MSI2: variants seen among roughly 807,000 people sequenced by gnomAD.
The protein encoded by MSI2 is musashi RNA binding protein 2.
MSI2 carries 17 observed loss-of-function variants against 45.6 expected under a neutral mutation model. The ratio of observed to expected loss-of-function variants is 0.37; its 90% confidence interval spans 0.26 to 0.56. MSI2 has a LOEUF of 0.56. Ranked by LOEUF, MSI2 falls within the 20% of genes least tolerant of loss-of-function variation. The pLI is 0.77. For missense variants in MSI2, 293 were observed against 444.2 expected, an observed-to-expected ratio of 0.66 and a Z score of 3.06; for synonymous variants, 156 against 158.2, an observed-to-expected ratio of 0.99 and a Z score of 0.11.
chr17:57,470,148 G>C (rs555508303), intron 6 of MSI2, among the ~76,000 whole-genome samples: 11 of 152,080 alleles, frequency 7.2e-5, no homozygotes, highest in Non-Finnish European at 1.5e-4. Context: ...ATACCCCTCT[G>C]TATTGTAACC....
intron 5 of MSI2, among the ~76,000 whole-genome samples, chr17:57,262,910 A>C (rs533485172): frequency 2.6e-5 from 4 of 152,360 alleles, no homozygotes; most frequent in Admixed American, 1.3e-4. Context: ...AGTTGCTTGA[A>C]GCCTAAGGTT....
intron 5 of MSI2, among the ~76,000 whole-genome samples, chr17:57,369,719 TG>T (rs1567784655): frequency 6.6e-6 from 1 of 152,224 alleles, no homozygotes; most frequent in Non-Finnish European, 1.5e-5. Flanking sequence ...TCTCATTTAA[TG>T]GTCACGCTGT....
chr17:57,440,402 G>A (rs984739775), intron 6 of MSI2, among the ~76,000 whole-genome samples: 1 of 140,908 alleles, frequency 7.1e-6, no homozygotes, highest in Non-Finnish European at 1.5e-5. Context: ...TCTTACCTGG[G>A]GTTTGTTATC....
chr17:57,664,294 G>A (rs757518990), intron 11 of MSI2, among the ~76,000 whole-genome samples: 3 of 152,186 alleles, frequency 2.0e-5, no homozygotes, highest in Admixed American at 6.5e-5. Flanking sequence ...CGAGGCGGCT[G>A]ATCACTTGAG....
chr17:57,637,218 C>G (rs1020778667), intron 10 of MSI2, among the ~76,000 whole-genome samples: 4 of 152,172 alleles, frequency 2.6e-5, no homozygotes, highest in African/African-American at 7.2e-5. Flanking sequence ...TAAAGGCAAG[C>G]TTAGACAGGA....
chr17:57,465,150 A>G (rs1234009843), intron 6 of MSI2, among the ~76,000 whole-genome samples: 1 of 152,192 alleles, frequency 6.6e-6, no homozygotes, highest in African/African-American at 2.4e-5. Flanking sequence ...TGATTAGATG[A>G]CTAGTTCTGA....
At chr17:57,618,605 G>A (rs191132463) in intron 9 of MSI2, among the ~76,000 whole-genome samples, 9 of 152,084 alleles carry the variant, frequency 5.9e-5, no homozygotes, top group Admixed American at 6.5e-5. Flanking sequence ...GTGCCGTGGC[G>A]CGATCTCAGC....
At chr17:57,353,526 G>C (rs970209043) in intron 5 of MSI2, among the ~76,000 whole-genome samples, 2 of 152,202 alleles carry the variant, frequency 1.3e-5, no homozygotes, top group Non-Finnish European at 2.9e-5. Flanking sequence ...TATTCTAAGG[G>C]AAATCGTAGA....
chr17:57,459,075 T>C (rs1366075320), intron 6 of MSI2, among the ~76,000 whole-genome samples: 1 of 152,256 alleles, frequency 6.6e-6, no homozygotes, highest in African/African-American at 2.4e-5. Flanking sequence ...CAATGCTCTT[T>C]AATGTTTTCC....
chr17:57,529,539 C>A lies in MSI2; in HGVS notation c.406-137C>A. ...GTTTTTTTTTCTTTCTACTTTTTTGCATTTTCAAATATTTTTTGATAAGCA... is the reference window on the plus strand; with the variant it reads ...GTTTTTTTTTCTTTCTACTTTTTTGAATTTTCAAATATTTTTTGATAAGCA... On this transcript the variant is annotated intron_variant, in intron 6 of 13. Coordinates refer to ENST00000284073, the MANE Select transcript of MSI2 (RefSeq NM_138962.4). The surrounding 1 kb of genome is among the most constrained non-coding windows in gnomAD (Gnocchi z 5.3). 1 of 737,804 alleles carries A rather than the reference C, an allele frequency of 1.4e-6. No homozygotes were observed. The highest frequency in any genetic ancestry group is 2.3e-6 in the Non-Finnish European group (1 of 441,482). The allele number at this position is 737,804 out of a possible 1,614,324, so 45.7% of individuals were successfully genotyped here. A position where few individuals can be genotyped will look rare whatever the true frequency, so the allele number is the denominator to read the frequency against.
rs144654718 is a variant in MSI2, at chr17:57,401,642, T to A, written c.405+171T>A. ...CAGCAGAAGCTGAGATGGAAGAGTC[T>A]GGCTTGCATTTGGTGTGATGTCCCA... On this transcript the variant is annotated intron_variant, in intron 6 of 13. Coordinates refer to ENST00000284073, the MANE Select transcript of MSI2 (RefSeq NM_138962.4). Among the ~76,000 whole-genome samples, 451 of 152,352 alleles carry A rather than the reference T, an allele frequency of 3.0e-3. 4 individuals carry two copies. Among genetic ancestry groups the A allele is most frequent in the Middle Eastern group, 0.01 (3 of 294 alleles).
intron 11 of MSI2, among the ~76,000 whole-genome samples, chr17:57,674,324 T>TA (rs1247499267): frequency 6.6e-6 from 1 of 150,594 alleles, no homozygotes; most frequent in African/African-American, 2.5e-5. Flanking sequence ...TTTGTCTTTT[T>TA]TAAAAAAAAA....
chr17:57,482,118 C>T (rs964401395), intron 6 of MSI2, among the ~76,000 whole-genome samples: 2 of 152,138 alleles, frequency 1.3e-5, no homozygotes, highest in Admixed American at 1.3e-4. Context: ...GTTTATCTGG[C>T]AAATTCCAAG....
At chr17:57,301,072 C>T (rs377609156) in intron 5 of MSI2, among the ~76,000 whole-genome samples, 425 of 152,238 alleles carry the variant, frequency 2.8e-3, no homozygotes, top group South Asian at 0.012. Context: ...TTCTTAGACA[C>T]GGAGACCTTC....
intron 6 of MSI2, among the ~76,000 whole-genome samples, chr17:57,508,462 A>G (rs1488360409): frequency 2.6e-5 from 4 of 152,246 alleles, no homozygotes; most frequent in African/African-American, 9.6e-5. Context: ...CTCATTTTAA[A>G]GTGATGAATA....
In MSI2 at chr17:57,407,796, T is replaced by C. The variant is rs2084112454; in HGVS notation, c.405+6325T>C. Among the ~76,000 whole-genome samples the C allele has an allele frequency of 6.6e-6, 1 of 152,224 alleles. No individual in the cohort carries two copies. Among genetic ancestry groups the C allele is most frequent in the Middle Eastern group, 3.2e-3 (1 of 316 alleles). On this transcript the variant is annotated intron_variant, in intron 6 of 13. Coordinates refer to ENST00000284073, the MANE Select transcript of MSI2 (RefSeq NM_138962.4). This position sits in a 1 kb window ranked among gnomAD's most constrained non-coding sequence, Gnocchi z 4.1. ...TTGTGTTTAAATTTTCTTCCTCTAA[T>C]AGCCCAGAACAAAGCCAACACTGTC...
At chr17:57,632,343 C>T in intron 10 of MSI2, 1 of 1,066,800 alleles carries the variant, frequency 9.4e-7, no homozygotes, top group Non-Finnish European at 1.1e-6. Flanking sequence ...TGTGAGAAAC[C>T]TGATCTGGAA....
At chr17:57,641,217 T>G (rs566592803) in intron 10 of MSI2, among the ~76,000 whole-genome samples, 1 of 152,176 alleles carries the variant, frequency 6.6e-6, no homozygotes, top group Admixed American at 6.5e-5. Context: ...GAACTTAAGA[T>G]CACAGATGTT....
intron 5 of MSI2, among the ~76,000 whole-genome samples, chr17:57,380,109 C>A (rs141477929): frequency 6.6e-6 from 1 of 151,986 alleles, no homozygotes; most frequent in Non-Finnish European, 1.5e-5. Context: ...GAGGATGAAC[C>A]CCAGCCAATG....
Sources: gnomAD v4.1 joint callset for allele counts (sites outside exome capture counted in the v4.1 genomes callset) on GRCh38, gnomAD v4.1.1 for gene constraint, Gnocchi (gnomAD v3.1) non-coding constraint, MANE v1.5 for transcripts, NCBI Gene and HGNC (gene_info 2026-07-23, HGNC 2026-07-21) for gene names.